ATE1: variants seen among roughly 807,000 people sequenced by gnomAD.
ATE1 encodes the protein arginyl-tRNA--protein transferase 1.
Under a neutral mutation model 70.5 loss-of-function variants are expected in ATE1, and 36 were observed. The ratio of observed to expected loss-of-function variants is 0.51; its 90% confidence interval spans 0.39 to 0.67. The LOEUF (loss-of-function observed/expected upper bound fraction) is 0.67. Ranked by LOEUF, ATE1 falls within the 30% of genes least tolerant of loss-of-function variation. The pLI is 0.00. For synonymous variants in ATE1, 232 were observed against 219.3 expected, an observed-to-expected ratio of 1.06 and a Z score of -0.51; for missense variants, 593 against 629.5, an observed-to-expected ratio of 0.94 and a Z score of 0.62.
intron 10 of ATE1, among the ~76,000 whole-genome samples, chr10:121,810,444 G>T (rs1373757995): frequency 6.6e-6 from 1 of 151,928 alleles, no homozygotes; most frequent in Non-Finnish European, 1.5e-5. Flanking sequence ...CTAATTTTTT[G>T]TATTTTTAGT....
At chr10:121,777,482 C>A (rs1444887712) in intron 11 of ATE1, among the ~76,000 whole-genome samples, 1 of 148,450 alleles carries the variant, frequency 6.7e-6, no homozygotes, top group Non-Finnish European at 1.5e-5. Context: ...AAGGACAGAC[C>A]GTAAGAGCTA....
intron 7 of ATE1, among the ~76,000 whole-genome samples, chr10:121,886,989 G>T (rs191280249): frequency 6.6e-6 from 1 of 152,138 alleles, no homozygotes. Context: ...AAAACTTCTC[G>T]AGATTAAAGT....
At chr10:121,901,691 A>T (rs188186250) in intron 6 of ATE1, among the ~76,000 whole-genome samples, 4 of 152,246 alleles carry the variant, frequency 2.6e-5, no homozygotes. Context: ...CCAGACCTCA[A>T]GAGATCCACC....
chr10:121,873,928 A>G (rs574179937), intron 7 of ATE1, among the ~76,000 whole-genome samples: 2 of 152,188 alleles, frequency 1.3e-5, no homozygotes, highest in African/African-American at 4.8e-5. Context: ...AGGTGTCACT[A>G]TTTGCCAAAG....
chr10:121,890,061 T>A (rs530783017), intron 7 of ATE1, among the ~76,000 whole-genome samples: 250 of 152,242 alleles, frequency 1.6e-3, no homozygotes, highest in African/African-American at 5.8e-3. Flanking sequence ...TCAACATTGG[T>A]GAATGGAGTC....
At chr10:121,853,818 C>G (rs1034404885) in intron 8 of ATE1, among the ~76,000 whole-genome samples, 1 of 152,136 alleles carries the variant, frequency 6.6e-6, no homozygotes, top group Non-Finnish European at 1.5e-5. Flanking sequence ...CTGAGAAGTA[C>G]AAATTCAAGG....
At chr10:121,825,975 T>A (rs1251693146) in intron 10 of ATE1, among the ~76,000 whole-genome samples, 3 of 152,170 alleles carry the variant, frequency 2.0e-5, no homozygotes, top group Non-Finnish European at 2.9e-5. Context: ...TACAGTGAAA[T>A]GTTATTCAGC....
chr10:121,880,837 A>AT (rs1410547899), intron 7 of ATE1, among the ~76,000 whole-genome samples: 4 of 152,272 alleles, frequency 2.6e-5, no homozygotes, highest in African/African-American at 9.6e-5. Context: ...AAAAGGTACT[A>AT]TTGTTCACTT....
At chr10:121,819,776 G>A (rs1193524930) in intron 10 of ATE1, among the ~76,000 whole-genome samples, 5 of 150,842 alleles carry the variant, frequency 3.3e-5, no homozygotes, top group African/African-American at 9.8e-5. Flanking sequence ...ACCACTAAAG[G>A]ATTTATTCAT....
At chr10:121,895,486 C>T (rs924868751) in intron 7 of ATE1, among the ~76,000 whole-genome samples, 1 of 151,864 alleles carries the variant, frequency 6.6e-6, no homozygotes, top group African/African-American at 2.4e-5. Flanking sequence ...TGGTGGTGGG[C>T]ACCTGTAATC....
intron 11 of ATE1, among the ~76,000 whole-genome samples, chr10:121,761,634 A>G (rs1945043196): frequency 6.6e-6 from 1 of 152,034 alleles, no homozygotes. Context: ...TATAACCCCA[A>G]TTTTCTGGGA....
chr10:121,779,505 C>T (rs1360226289), intron 11 of ATE1, among the ~76,000 whole-genome samples: 4 of 152,202 alleles, frequency 2.6e-5, no homozygotes, highest in Non-Finnish European at 5.9e-5. Context: ...CTGAGCATTT[C>T]CTCATCCTCT....
intron 11 of ATE1, among the ~76,000 whole-genome samples, chr10:121,755,506 T>G (rs974466333): frequency 2.0e-5 from 3 of 152,224 alleles, no homozygotes; most frequent in Non-Finnish European, 4.4e-5. Context: ...AAATTTGAAA[T>G]TTAAAAATAA....
chr10:121,924,420 T>A (rs75962930), intron 1 of ATE1, 91 bp from the exon 2 acceptor site: 3 of 1,269,542 alleles, frequency 2.4e-6, no homozygotes, highest in East Asian at 2.4e-5. Context: ...GGAGTGTGTG[T>A]CCGGGCACGG....
intron 10 of ATE1, among the ~76,000 whole-genome samples, chr10:121,827,774 T>G (rs1948085109): frequency 6.6e-6 from 1 of 152,180 alleles, no homozygotes; most frequent in African/African-American, 2.4e-5. Flanking sequence ...ACAAAAAATA[T>G]CTATGTAATG....
At chr10:121,790,722 A>T (rs1946398004) in intron 10 of ATE1, among the ~76,000 whole-genome samples, 1 of 152,118 alleles carries the variant, frequency 6.6e-6, no homozygotes, top group Admixed American at 6.5e-5. Context: ...TTAATGACAA[A>T]TTTTTTAATT....
At chr10:121,745,142 T>C (rs1238894969) in intron 11 of ATE1, among the ~76,000 whole-genome samples, 1 of 152,210 alleles carries the variant, frequency 6.6e-6, no homozygotes, top group East Asian at 1.9e-4. Flanking sequence ...TTTAACCCAA[T>C]ATTACCTTAG....
intron 11 of ATE1, among the ~76,000 whole-genome samples, chr10:121,783,114 T>C (rs983182650): frequency 6.6e-6 from 1 of 152,200 alleles, no homozygotes; most frequent in African/African-American, 2.4e-5. Flanking sequence ...AGCTCATACC[T>C]ATGTTTTTTA....
At chr10:121,803,490 C>T (rs1370072804) in intron 10 of ATE1, among the ~76,000 whole-genome samples, 1 of 152,194 alleles carries the variant, frequency 6.6e-6, no homozygotes, top group East Asian at 1.9e-4. Context: ...TAAGTATGAA[C>T]ACCTAAATTG....
Sources: gnomAD v4.1 joint callset for allele counts (sites outside exome capture counted in the v4.1 genomes callset) on GRCh38, gnomAD v4.1.1 for gene constraint, MANE v1.5 for transcripts, NCBI Gene and HGNC (gene_info 2026-07-23, HGNC 2026-07-21) for gene names.